The following CRYBG1 variants were observed in gnomAD, a reference collection of about 807,000 sequenced individuals.
The protein encoded by CRYBG1 is beta/gamma crystallin domain-containing protein 1.
CRYBG1 carries 139 observed loss-of-function variants against 189.2 expected under a neutral mutation model. The ratio of observed to expected loss-of-function variants is 0.73; its 90% CI spans 0.64 to 0.85. The LOEUF is 0.85. Ranked by LOEUF, CRYBG1 falls within the 40% of genes least tolerant of loss-of-function variation. The probability of loss-of-function intolerance (pLI) is 0.00; values close to 1 mark genes in which losing one functional copy is unlikely to be tolerated. For synonymous variants in CRYBG1, 1,023 were observed against 1,017.1 expected, an observed-to-expected ratio of 1.01 and a Z score of -0.11; for missense variants, 2,611 against 2,675.8, an observed-to-expected ratio of 0.98 and a Z score of 0.53.
chr6:106,367,631 C>G (rs976922857), intron 1 of CRYBG1, among the ~76,000 whole-genome samples: 1 of 147,990 alleles, frequency 6.8e-6, no homozygotes, highest in Non-Finnish European at 1.5e-5. Context: ...CTCCCTTTTT[C>G]ATTAATAGTT....
intron 1 of CRYBG1, among the ~76,000 whole-genome samples, chr6:106,397,226 C>T (rs990681877): frequency 2.6e-5 from 4 of 152,148 alleles, no homozygotes; most frequent in African/African-American, 9.7e-5. Flanking sequence ...CGCAATCAAA[C>T]ATATTTATCA....
intron 2 of CRYBG1, among the ~76,000 whole-genome samples, chr6:106,479,362 A>T (rs950092696): frequency 2.0e-5 from 3 of 152,138 alleles, no homozygotes; most frequent in Admixed American, 2.0e-4. Context: ...TCCAAACCTA[A>T]TTACCTCCCA....
Position 106,506,484 on chromosome 6 carries a change from C to T in CRYBG1, c.313-4946C>T, listed in dbSNP as rs571886159. Reference sequence around the variant, plus strand: ...TTTTTTTTTTTTTGAGATGGAGTTTCGCTCGTCAGCCAGGCTGGAGTACAA... The same window carrying T: ...TTTTTTTTTTTTTGAGATGGAGTTTTGCTCGTCAGCCAGGCTGGAGTACAA... On this transcript the variant is annotated intron_variant, in intron 2 of 21. Coordinates refer to ENST00000633556, the MANE Select transcript of CRYBG1 (RefSeq NM_001371242.2). 9.6e-4 allele frequency among the ~76,000 whole-genome samples: 98 copies of T among 102,346 alleles called. 1 individual carries two copies. The highest frequency in any genetic ancestry group is 5.4e-3 in the Admixed American group (36 of 6,672). 67.1% of individuals were successfully genotyped at this position (102,346 alleles called of 152,430 possible).
chr6:106,512,713 C>T lies in CRYBG1; in HGVS notation c.1596C>T (p.Gly532=), dbSNP rs1193496451. ...LEAVPAPPAS[G]PRAPAKESPP... is the part of the protein sequence containing the mutation. ...CCGTGCCCGCCCCGCCCGCCAGCGG[C>T]CCCCGGGCTCCCGCCAAGGAGTCCC... The change falls in exon 3 of 22, where the codon GGC becomes GGT. Residue 532 remains glycine (G), a synonymous_variant. Transcript: ENST00000633556. 1.9e-6 allele frequency: 3 copies of T among 1,550,288 alleles called. No individual in the cohort carries two copies. The highest frequency in any genetic ancestry group is 2.6e-6 in the Non-Finnish European group (3 of 1,147,998).
intron 1 of CRYBG1, among the ~76,000 whole-genome samples, chr6:106,385,142 AG>A (rs1770358735): frequency 6.6e-6 from 1 of 152,170 alleles, no homozygotes; most frequent in South Asian, 2.1e-4. Context: ...TTTTTCTAAA[AG>A]AAATCCCTGA....
chr6:106,496,757 A>C (rs939073765), intron 2 of CRYBG1, among the ~76,000 whole-genome samples: 1 of 152,182 alleles, frequency 6.6e-6, no homozygotes, highest in Non-Finnish European at 1.5e-5. Context: ...TTGTCTCTTG[A>C]GTTTCTCTGT....
Position 106,408,824 on chromosome 6 carries a change from C to CT in CRYBG1, c.174-42867dup, listed in dbSNP as rs545385782. On this transcript the variant is annotated intron_variant, in intron 1 of 21. Transcript: ENST00000633556. ...AAGGCCTTAGATAAAATTCAACACCCTTTCATGCTAAAAACTCTCAATAAA... is the reference window on the plus strand; with the variant it reads ...AAGGCCTTAGATAAAATTCAACACCCTTTTCATGCTAAAAACTCTCAATAAA... 2.9e-3 allele frequency among the ~76,000 whole-genome samples: 435 copies of CT among 152,306 alleles called. 2 individuals are homozygous for CT. The highest frequency in any genetic ancestry group is 9.8e-3 in the African/African-American group (409 of 41,574).
intron 2 of CRYBG1, among the ~76,000 whole-genome samples, chr6:106,494,417 T>A (rs1405276996): frequency 6.6e-6 from 1 of 152,176 alleles, no homozygotes; most frequent in Admixed American, 6.5e-5. Flanking sequence ...TTTAAAAAAA[T>A]GAATAGCATT....
intron 2 of CRYBG1, among the ~76,000 whole-genome samples, chr6:106,492,400 T>C (rs1772743959): frequency 6.6e-6 from 1 of 152,228 alleles, no homozygotes; most frequent in African/African-American, 2.4e-5. Context: ...CAAATGTTTA[T>C]AATATGAATG....
Position 106,519,925 on chromosome 6 carries a change from A to T in CRYBG1, c.2717A>T (p.Glu906Val). ...CCATGCACTGATCTAAAAGTGTCAG[A>T]AAACCATAAAGGATGTGTTTTGCCT... ...SFPCTDLKVS[E>V]NHKGCVLPVS... The change falls in exon 4 of 22, where the codon GAA becomes GTA. Residue 906 changes from glutamate (E) to valine (V), a missense_variant. By Grantham distance (121) the Glu-to-Val change is moderately radical. Around this residue, in one of 3 missense-constraint regions of CRYBG1, gnomAD observed 1,622 missense variants for 1,735.0 expected, o/e 0.93. Coordinates refer to ENST00000633556, the MANE Select transcript of CRYBG1 (RefSeq NM_001371242.2). The T allele has an allele frequency of 6.2e-7, 1 of 1,614,220 alleles. No individual in the cohort carries two copies. Among genetic ancestry groups the T allele is most frequent in the Non-Finnish European group, 8.5e-7 (1 of 1,180,038 alleles).
chr6:106,519,576 C>A lies in CRYBG1; in HGVS notation c.2368C>A (p.Gln790Lys). The A allele has an allele frequency of 1.2e-6, 2 of 1,614,178 alleles. No homozygotes were observed. The highest frequency in any genetic ancestry group is 3.3e-4 in the Middle Eastern group (2 of 6,062). Residue 790 changes from glutamine to lysine, a missense_variant, in exon 4 of 22, where the codon CAA (glutamine) becomes AAA (lysine). Physicochemically the swap from Gln to Lys is moderately conservative, Grantham distance 53. This residue lies in a region of CRYBG1 where 1,622 missense variants were observed against 1,735.0 expected (regional missense o/e 0.93). Transcript: ENST00000633556. Reference protein sequence around the residue: ...QPNQDDKADVQTDAGCLSEPV... With the variant: ...QPNQDDKADVKTDAGCLSEPV... ...TAACCAAGATGATAAAGCAGATGTA[C>A]AAACAGATGCTGGCTGCCTTTCAGA...
intron 21 of CRYBG1, among the ~76,000 whole-genome samples, chr6:106,567,666 T>A (rs1217430433): frequency 6.7e-6 from 1 of 148,856 alleles, no homozygotes; most frequent in Non-Finnish European, 1.5e-5. Flanking sequence ...TCTGAAGGGA[T>A]CTTTATTCTA....
intron 13 of CRYBG1, among the ~76,000 whole-genome samples, chr6:106,548,098 A>T (rs1464711381): frequency 1.3e-5 from 2 of 152,202 alleles, no homozygotes; most frequent in Non-Finnish European, 2.9e-5. Flanking sequence ...GGGACCTGCT[A>T]GTACTTGTGT....
Position 106,520,510 on chromosome 6 carries a change from C to G in CRYBG1, c.3302C>G (p.Ser1101Cys). The G allele has an allele frequency of 6.2e-7, 1 of 1,614,146 alleles. No homozygotes were observed. The highest frequency in any genetic ancestry group is 8.5e-7 in the Non-Finnish European group (1 of 1,180,026). ...SAGSDDSVFD[S>C]SSDMEKFTEI... is the part of the protein sequence containing the mutation. ...GGTAGTGATGATAGTGTATTTGATTCTTCTTCTGATATGGAAAAATTCACT... is the reference window on the plus strand; with the variant it reads ...GGTAGTGATGATAGTGTATTTGATTGTTCTTCTGATATGGAAAAATTCACT... The change falls in exon 4 of 22, where the codon TCT (serine) becomes TGT (cysteine). Residue 1101 changes from serine to cysteine, a missense_variant. Physicochemically the swap from Ser to Cys is moderately radical, Grantham distance 112 (BLOSUM62 -1). Transcript: ENST00000633556.
chr6:106,535,229 T>C (rs1773974783), intron 8 of CRYBG1, among the ~76,000 whole-genome samples: 2 of 152,332 alleles, frequency 1.3e-5, no homozygotes, highest in South Asian at 2.1e-4. Context: ...ATTACTCATA[T>C]TGATGGGTAC....
At chr6:106,417,177 A>T (rs892604817) in intron 1 of CRYBG1, among the ~76,000 whole-genome samples, 12 of 147,416 alleles carry the variant, frequency 8.1e-5, no homozygotes, top group Non-Finnish European at 1.5e-4. Flanking sequence ...ATTTTTTTTT[A>T]AAAGACAGGG....
chr6:106,413,378 CA>C (rs1304050083), intron 1 of CRYBG1, among the ~76,000 whole-genome samples: 1 of 152,052 alleles, frequency 6.6e-6, no homozygotes, highest in Non-Finnish European at 1.5e-5. Flanking sequence ...TCTGGGACAA[CA>C]AAAGTGACAG....
chr6:106,571,903 G>GA lies in CRYBG1; in HGVS notation c.*3342dup. The GA allele has an allele frequency of 2.6e-6, 2 of 774,314 alleles. No individual in the cohort carries two copies. The highest frequency in any genetic ancestry group is 4.4e-6 in the Non-Finnish European group (2 of 451,274). 48.0% of individuals were successfully genotyped at this position (774,314 alleles called of 1,614,324 possible). Reference sequence around the variant, plus strand: ...ATCATGGAATGTATAATCTAATCTGGAAAAATGTTTGAAAGGGATGGCTAG... The same window carrying GA: ...ATCATGGAATGTATAATCTAATCTGGAAAAAATGTTTGAAAGGGATGGCTAG... On this transcript the variant is annotated 3_prime_UTR_variant, in exon 22 of 22. Coordinates refer to ENST00000633556, the MANE Select transcript of CRYBG1 (RefSeq NM_001371242.2).
chr6:106,403,479 A>G (rs1373592275), intron 1 of CRYBG1, among the ~76,000 whole-genome samples: 1 of 152,252 alleles, frequency 6.6e-6, no homozygotes, highest in East Asian at 1.9e-4. Context: ...TTGTCCTCTC[A>G]TTGGGTCACC....
Sources: gnomAD v4.1 joint callset for allele counts (sites outside exome capture counted in the v4.1 genomes callset) on GRCh38, gnomAD v4.1.1 for gene constraint, gnomAD v4.1.1 regional missense constraint, MANE v1.5 for transcripts, NCBI Gene and HGNC (gene_info 2026-07-23, HGNC 2026-07-21) for gene names.